NAALADL2: variants seen among roughly 807,000 people sequenced by gnomAD.
NAALADL2 encodes N-acetylated alpha-linked acidic dipeptidase like 2, also known as inactive N-acetylated-alpha-linked acidic dipeptidase-like protein 2.
A neutral mutation model predicts 87.2 loss-of-function variants in NAALADL2; 76 were observed. The observed-to-expected ratio is 0.87, with a 90% CI of 0.72 to 1.05. The LOEUF (loss-of-function observed/expected upper bound fraction) is 1.05, where lower values mean the gene tolerates loss of function less well. NAALADL2 is among the 50% of genes least tolerant of loss of function. NAALADL2 has a pLI of 0.00. For synonymous variants in NAALADL2, 354 were observed against 331.0 expected (o/e 1.07, Z -0.75); for missense variants, 1,089 against 945.8 (o/e 1.15, Z -1.99).
intron 11 of NAALADL2, among the ~76,000 whole-genome samples, chr3:175,632,079 T>C (rs1485943637): frequency 1.3e-5 from 2 of 151,972 alleles, no homozygotes; most frequent in Admixed American, 1.3e-4. Flanking sequence ...TGGAGCTTTT[T>C]CCTCTGATAT....
chr3:174,443,690 G>A (rs1232714161), intron 1 of NAALADL2, among the ~76,000 whole-genome samples: 1 of 152,108 alleles, frequency 6.6e-6, no homozygotes, highest in African/African-American at 2.4e-5. Flanking sequence ...CAGACTTTAC[G>A]TCATAAAATC....
intron 3 of NAALADL2, among the ~76,000 whole-genome samples, chr3:174,799,910 T>A (rs1455621331): frequency 6.6e-6 from 1 of 152,130 alleles, no homozygotes; most frequent in East Asian, 1.9e-4. Flanking sequence ...AGGTGACTCT[T>A]GTTATGTTTC....
At chr3:175,375,235 T>C (rs1179197746) in intron 5 of NAALADL2, among the ~76,000 whole-genome samples, 1 of 152,166 alleles carries the variant, frequency 6.6e-6, no homozygotes, top group African/African-American at 2.4e-5. Flanking sequence ...CTTAATTTTT[T>C]TCTCTTTCAA....
intron 9 of NAALADL2, among the ~76,000 whole-genome samples, chr3:175,533,906 G>A (rs1056014173): frequency 6.6e-6 from 1 of 152,024 alleles, no homozygotes; most frequent in South Asian, 2.1e-4. Context: ...CTGAGCTTAA[G>A]AGCAACCAAC....
At chr3:175,062,029 GA>G (rs1713601171) in intron 1 of NAALADL2, among the ~76,000 whole-genome samples, 1 of 152,086 alleles carries the variant, frequency 6.6e-6, no homozygotes, top group Non-Finnish European at 1.5e-5. Flanking sequence ...AGAAAAGGGG[GA>G]AAGGAGTCTT....
At chr3:174,510,463 A>C (rs530008980) in intron 1 of NAALADL2, among the ~76,000 whole-genome samples, 1 of 152,156 alleles carries the variant, frequency 6.6e-6, no homozygotes, top group East Asian at 1.9e-4. Context: ...ATGTTGACTC[A>C]CATCTTTCAA....
At chr3:175,298,834 G>A (rs920317790) in intron 4 of NAALADL2, among the ~76,000 whole-genome samples, 13 of 152,092 alleles carry the variant, frequency 8.5e-5, no homozygotes, top group African/African-American at 2.9e-4. Context: ...TGTGAAATAC[G>A]TTATACCTTC....
At chr3:174,467,485 C>T (rs1226047989) in intron 1 of NAALADL2, among the ~76,000 whole-genome samples, 2 of 150,470 alleles carry the variant, frequency 1.3e-5, no homozygotes, top group African/African-American at 2.4e-5. Flanking sequence ...CCCAGCTACT[C>T]GGGAAGCTGA....
At chr3:174,548,857 T>A (rs903584671) in intron 1 of NAALADL2, among the ~76,000 whole-genome samples, 2 of 152,214 alleles carry the variant, frequency 1.3e-5, no homozygotes, top group Non-Finnish European at 2.9e-5. Context: ...TATTATTATT[T>A]GAAACAAGAT....
rs1754911724 is a variant in NAALADL2, at chr3:175,808,740, T to C, written c.*5537T>C. ...TTCCTGCAAGCTCAAGAGATTAATA[T>C]ACAATCATTATTATGAATTATTATG... On this transcript the variant is annotated 3_prime_UTR_variant, in exon 14 of 14. Transcript: ENST00000454872. 6.6e-6 allele frequency: 1 copy of C among 152,036 alleles called. No individual in the cohort carries two copies. The highest frequency in any genetic ancestry group is 2.4e-5 in the African/African-American group (1 of 41,402). The allele number at this position is 152,036 out of a possible 1,614,324, so 9.4% of individuals were successfully genotyped here.
chr3:174,792,270 AGGAAGGAGGGAG>A (rs1031626010), intron 3 of NAALADL2, among the ~76,000 whole-genome samples: 8 of 145,278 alleles, frequency 5.5e-5, no homozygotes, highest in East Asian at 2.3e-4. Flanking sequence ...GAAAGAAGGA[AGGAAGGAGGGAG>A]GGAAGGAGGG....
intron 3 of NAALADL2, among the ~76,000 whole-genome samples, chr3:175,238,573 T>C (rs1746314058): frequency 6.6e-6 from 1 of 152,170 alleles, no homozygotes; most frequent in Non-Finnish European, 1.5e-5. Flanking sequence ...GCACATGCTA[T>C]TGATACTCAT....
intron 1 of NAALADL2, among the ~76,000 whole-genome samples, chr3:174,866,172 T>C (rs568891829): frequency 1.3e-5 from 2 of 152,020 alleles, no homozygotes; most frequent in African/African-American, 4.8e-5. Context: ...TGATAGAAAT[T>C]GAAATCATTT....
intron 3 of NAALADL2, among the ~76,000 whole-genome samples, chr3:174,842,781 TTG>T (rs369170719): frequency 3.9e-4 from 59 of 151,326 alleles, no homozygotes; most frequent in African/African-American, 6.1e-4. Context: ...ACACCTGTTT[TTG>T]TGTGTGTGTG....
chr3:174,524,893 A>G (rs951367234), intron 1 of NAALADL2, among the ~76,000 whole-genome samples: 1 of 152,200 alleles, frequency 6.6e-6, no homozygotes, highest in Non-Finnish European at 1.5e-5. Context: ...AGTTATAGCC[A>G]TCCTAACATT....
intron 5 of NAALADL2, among the ~76,000 whole-genome samples, chr3:175,349,015 G>A (rs536255250): frequency 2.7e-4 from 41 of 152,164 alleles, no homozygotes; most frequent in African/African-American, 8.7e-4. Context: ...ATGCATATAC[G>A]TAGAGGAACA....
rs949085876 is a variant in NAALADL2, at chr3:175,368,396, T to G, written c.1090+44071T>G. Among the ~76,000 whole-genome samples the G allele has an allele frequency of 2.0e-5, 3 of 152,304 alleles. No individual in the cohort carries two copies. The East Asian group carries it at 5.8e-4, about 29-fold the overall frequency. The stretch of plus-strand genomic sequence containing the variant: ...AAAATGAGTTAGGGAGGTTTCCCTC[T>G]TTTTCTATTGATTGGAATAGTTTCA... On this transcript the variant is annotated intron_variant, in intron 5 of 13. Coordinates refer to ENST00000454872, the MANE Select transcript of NAALADL2 (RefSeq NM_207015.3).
At position 174,898,112 on chromosome 3, in the gene NAALADL2, C is replaced by CAAAA. The variant is rs913382744; in HGVS notation, c.43+38690_43+38693dup. 7.4e-3 allele frequency among the ~76,000 whole-genome samples: 107 copies of CAAAA among 14,496 alleles called. 17 individuals carry two copies. The highest frequency in any genetic ancestry group is 0.022 in the East Asian group (9 of 414). The allele number at this position is 14,496 out of a possible 152,430, so 9.5% of individuals were successfully genotyped here. A position where few individuals can be genotyped will look rare whatever the true frequency, so the allele number is the denominator to read the frequency against. ...TGGGTGACAGAGCGAGACTCCGTCTCAAAAAAAAAAAAAAAAAAAAAAAAA... is the reference window on the plus strand; with the variant it reads ...TGGGTGACAGAGCGAGACTCCGTCTCAAAAAAAAAAAAAAAAAAAAAAAAAAAAA... On this transcript the variant is annotated intron_variant, in intron 1 of 13. Coordinates refer to ENST00000454872, the MANE Select transcript of NAALADL2 (RefSeq NM_207015.3).
chr3:175,297,415 C>A (rs750636357), intron 4 of NAALADL2, among the ~76,000 whole-genome samples: 2 of 152,066 alleles, frequency 1.3e-5, no homozygotes, highest in Non-Finnish European at 2.9e-5. Context: ...CCATGGACTG[C>A]CAAAAATGTC....
Sources: gnomAD v4.1 joint callset for allele counts (sites outside exome capture counted in the v4.1 genomes callset) on GRCh38, gnomAD v4.1.1 for gene constraint, MANE v1.5 for transcripts, NCBI Gene and HGNC (gene_info 2026-07-23, HGNC 2026-07-21) for gene names.